Variants in GRM7 observed in about 807,000 individuals in gnomAD.
GRM7 encodes metabotropic glutamate receptor 7.
Under a neutral mutation model 84.5 loss-of-function variants are expected in GRM7, and 35 were observed. The observed-to-expected ratio is 0.41, with a 90% CI of 0.32 to 0.55. The LOEUF (loss-of-function observed/expected upper bound fraction) is 0.55. Ranked by LOEUF, GRM7 falls within the 20% of genes least tolerant of loss-of-function variation. GRM7 has a pLI of 0.19. For missense variants in GRM7, 1,003 were observed against 1,194.6 expected, an observed-to-expected ratio of 0.84 and a Z score of 2.36; for synonymous variants, 487 against 455.1, an observed-to-expected ratio of 1.07 and a Z score of -0.89.
intron 2 of GRM7, among the ~76,000 whole-genome samples, chr3:7,290,121 G>C (rs1699571451): frequency 1.3e-5 from 2 of 152,070 alleles, no homozygotes; most frequent in African/African-American, 2.4e-5. Context: ...TATGAAAGTT[G>C]CTTAATAAAT....
Position 7,740,414 on chromosome 3 carries a change from C to A in GRM7, c.*8C>A, listed in dbSNP as rs751848081. On this transcript the variant is annotated 3_prime_UTR_variant, in exon 10 of 10. Coordinates refer to ENST00000357716, the MANE Select transcript of GRM7 (RefSeq NM_000844.4). ...AATAACCTGGTTATCTAACCTGTTC[C>A]ATTCCATGGAACCATGGAGGAGGAA... 1.3e-5 allele frequency: 20 copies of A among 1,511,982 alleles called. No individual in the cohort carries two copies. Among genetic ancestry groups the A allele is most frequent in the Non-Finnish European group, 7.3e-6 (8 of 1,099,746 alleles). The allele number at this position is 1,511,982 out of a possible 1,614,324, so 93.7% of individuals were successfully genotyped here.
In GRM7 at chr3:7,631,298, T is replaced by G. The variant is rs1024888566; in HGVS notation, c.2452-48751T>G. On this transcript the variant is annotated intron_variant, in intron 8 of 9. Coordinates refer to ENST00000357716, the MANE Select transcript of GRM7 (RefSeq NM_000844.4). ...GATAAAGATTCCAACAGAGGGACAC[T>G]TGGTGCCTCGGGTAGAAGTAGCCCG... is the stretch of plus-strand genomic sequence containing the variant. 9.2e-5 allele frequency among the ~76,000 whole-genome samples: 14 copies of G among 152,262 alleles called. No individual in the cohort carries two copies. The South Asian group carries it at 1.5e-3, about 16-fold the overall frequency.
chr3:7,051,406 T>TA (rs947910239), intron 1 of GRM7, among the ~76,000 whole-genome samples: 10 of 151,354 alleles, frequency 6.6e-5, no homozygotes, highest in Admixed American at 6.6e-4. Context: ...GTCAGAAAAA[T>TA]AAAAAAAAGT....
At chr3:7,169,780 T>A (rs575098083) in intron 2 of GRM7, among the ~76,000 whole-genome samples, 1 of 152,312 alleles carries the variant, frequency 6.6e-6, no homozygotes, top group Admixed American at 6.5e-5. Flanking sequence ...GACGTACTTT[T>A]GCCAATAATT....
intron 4 of GRM7, among the ~76,000 whole-genome samples, chr3:7,307,644 G>T (rs1402017114): frequency 6.6e-6 from 1 of 152,174 alleles, no homozygotes; most frequent in Non-Finnish European, 1.5e-5. Flanking sequence ...AGTCACCCAT[G>T]TTTTCACTGG....
chr3:7,138,580 TGTC>T (rs59988637), intron 1 of GRM7, among the ~76,000 whole-genome samples: 9,423 of 151,882 alleles, frequency 0.062, 723 homozygotes, highest in African/African-American at 0.17. Context: ...ATGAATATAT[TGTC>T]GTGTTCATTA....
At chr3:7,739,020 T>A (rs1265892111) in intron 9 of GRM7, among the ~76,000 whole-genome samples, 1 of 152,194 alleles carries the variant, frequency 6.6e-6, no homozygotes, top group East Asian at 1.9e-4. Flanking sequence ...ATCACCAGAT[T>A]TTCCAGGAGG....
chr3:7,230,636 G>A lies in GRM7; in HGVS notation c.737-68048G>A, dbSNP rs76002068. ...AAACTAGGGCATAGATTAGAAGGTG[G>A]GTATGGGTCAGCGGCTTAATGCAGC... On this transcript the variant is annotated intron_variant, in intron 2 of 9. Transcript: ENST00000357716. Among the ~76,000 whole-genome samples the A allele has an allele frequency of 4.2e-3, 637 of 152,316 alleles. 1 individual carries two copies. The highest frequency in any genetic ancestry group is 6.7e-3 in the Non-Finnish European group (453 of 68,024).
chr3:7,199,504 A>G (rs1695993279), intron 2 of GRM7, among the ~76,000 whole-genome samples: 1 of 152,242 alleles, frequency 6.6e-6, no homozygotes, highest in African/African-American at 2.4e-5. Flanking sequence ...TGCAGCAATC[A>G]ATCACTGCAG....
chr3:7,115,858 C>T (rs1693013169), intron 1 of GRM7, among the ~76,000 whole-genome samples: 1 of 152,126 alleles, frequency 6.6e-6, no homozygotes, highest in Non-Finnish European at 1.5e-5. Context: ...CTTTCATCCT[C>T]CTGGAACAGT....
At chr3:7,693,799 CG>C in intron 9 of GRM7, 1 of 649,074 alleles carries the variant, frequency 1.5e-6, no homozygotes, top group Non-Finnish European at 2.7e-6. Context: ...TGAGTTTAGT[CG>C]GGGGTAGTTC....
chr3:7,386,463 C>G (rs1694790808), intron 4 of GRM7, among the ~76,000 whole-genome samples: 1 of 152,080 alleles, frequency 6.6e-6, no homozygotes, highest in South Asian at 2.1e-4. Flanking sequence ...GTCTATTGTT[C>G]TCATCTTTCT....
At position 7,176,056 on chromosome 3, in the gene GRM7, C is replaced by G. The variant is rs374076503; in HGVS notation, c.736+29388C>G. On this transcript the variant is annotated intron_variant, in intron 2 of 9. Transcript: ENST00000357716. The stretch of plus-strand genomic sequence containing the variant: ...GATTTCTAATTTTGACTACTTTATC[C>G]AGTTCAAAATAATACTGTGTGATAT... Among the ~76,000 whole-genome samples the G allele has an allele frequency of 2.6e-5, 4 of 151,724 alleles. No individual in the cohort carries two copies. In the South Asian group the frequency reaches 8.3e-4, roughly 32 times the overall value.
intron 7 of GRM7, among the ~76,000 whole-genome samples, chr3:7,467,633 G>T (rs1273497868): frequency 1.4e-5 from 2 of 147,808 alleles, no homozygotes; most frequent in Admixed American, 6.9e-5. Flanking sequence ...TCAGGGAAGA[G>T]AACTCAAAAC....
intron 5 of GRM7, among the ~76,000 whole-genome samples, chr3:7,418,761 C>T (rs1162123933): frequency 6.6e-6 from 1 of 152,140 alleles, no homozygotes; most frequent in Non-Finnish European, 1.5e-5. Context: ...AGATTGAGGC[C>T]ATCTTGGGGT....
intron 7 of GRM7, among the ~76,000 whole-genome samples, chr3:7,562,858 T>A (rs573123498): frequency 5.9e-5 from 9 of 152,028 alleles, no homozygotes; most frequent in African/African-American, 2.2e-4. Flanking sequence ...ATAGAGTGGT[T>A]TCTTTTTCTC....
At chr3:7,155,930 G>A (rs757209270) in intron 2 of GRM7, among the ~76,000 whole-genome samples, 1 of 152,156 alleles carries the variant, frequency 6.6e-6, no homozygotes, top group Non-Finnish European at 1.5e-5. Flanking sequence ...TTGCCTAGAT[G>A]ACTTAAAAGC....
intron 1 of GRM7, among the ~76,000 whole-genome samples, chr3:7,130,491 C>T (rs1333495499): frequency 6.7e-6 from 1 of 149,348 alleles, no homozygotes; most frequent in Non-Finnish European, 1.5e-5. Flanking sequence ...TGCAGGGAGC[C>T]GAGATCGCAC....
chr3:7,300,965 A>G (rs1297757102), intron 3 of GRM7, among the ~76,000 whole-genome samples: 2 of 152,166 alleles, frequency 1.3e-5, no homozygotes, highest in African/African-American at 4.8e-5. Context: ...AGTGAATGAA[A>G]TTCCTAACCT....
Sources: allele counts gnomAD v4.1 joint callset (sites outside exome capture counted in the v4.1 genomes callset), GRCh38; gene constraint gnomAD v4.1.1; transcripts MANE v1.5; gene names NCBI Gene and HGNC (gene_info 2026-07-23, HGNC 2026-07-21).